Variants in MZT2A observed in about 807,000 individuals in gnomAD.
MZT2A encodes mitotic-spindle organizing protein 2A.
A neutral mutation model predicts 12.4 loss-of-function variants in MZT2A; 8 were observed. The observed-to-expected ratio is 0.64, with a 90% confidence interval of 0.38 to 1.16. MZT2A has a LOEUF of 1.16. Among genes scored for constraint, MZT2A ranks in the 50% most tolerant of loss-of-function variants. MZT2A has a pLI of 0.01. For synonymous variants in MZT2A, 88 were observed against 107.5 expected, an observed-to-expected ratio of 0.82 and a Z score of 1.12; for missense variants, 181 against 223.6, an observed-to-expected ratio of 0.81 and a Z score of 1.22.
downstream of MZT2A, chr2:131,480,493 T>C (rs1317953048): frequency 3.1e-6 from 5 of 1,589,478 alleles, no homozygotes; most frequent in Admixed American, 1.7e-5. Flanking sequence ...CGCATCCACT[T>C]CCCCCTGGCC....
intron 2 of MZT2A, among the ~76,000 whole-genome samples, chr2:131,488,805 G>A (rs1295020510): frequency 1.3e-5 from 2 of 152,034 alleles, no homozygotes; most frequent in Non-Finnish European, 2.9e-5. Flanking sequence ...CAGCCTACAG[G>A]ACCTGGGCTA....
chr2:131,491,415 G>C (rs1679296489), intron 2 of MZT2A: 1 of 278,670 alleles, frequency 3.6e-6, no homozygotes, highest in Admixed American at 5.0e-5. Flanking sequence ...GTATACCACA[G>C]GACAGAGATC....
downstream of MZT2A, chr2:131,479,345 C>T (rs1412689415): frequency 1.2e-6 from 2 of 1,614,112 alleles, no homozygotes; most frequent in East Asian, 2.2e-5. Context: ...AGCTCTTCCA[C>T]CCGGAGCAGC....
chr2:131,489,038 C>T (rs1477215917), intron 2 of MZT2A, among the ~76,000 whole-genome samples: 1 of 152,034 alleles, frequency 6.6e-6, no homozygotes, highest in Non-Finnish European at 1.5e-5. Context: ...CTACCAGCAC[C>T]TGGACAGCGC....
chr2:131,483,932 A>T (rs1678944709), downstream of MZT2A: 12 of 1,182,960 alleles, frequency 1.0e-5, no homozygotes, highest in Admixed American at 6.6e-5. Context: ...CTTAATATAA[A>T]AAAAAAAAAA....
intron 2 of MZT2A, chr2:131,478,073 T>C: frequency 6.6e-7 from 1 of 1,510,858 alleles, no homozygotes; most frequent in Admixed American, 2.0e-5. Flanking sequence ...ACTGAAGCAG[T>C]ATATAAATAT....
chr2:131,493,191 C>T, upstream of MZT2A: 3 of 1,401,202 alleles, frequency 2.1e-6, no homozygotes, highest in South Asian at 3.2e-5. Context: ...CTGGGGGCTT[C>T]CGCGAGCCCC....
In MZT2A at chr2:131,489,905, C is replaced by T. The variant is rs893719149; in HGVS notation, c.319+1971G>A. On this transcript the variant is annotated intron_variant, in intron 2 of 2. Coordinates refer to ENST00000309451, the MANE Select transcript of MZT2A (RefSeq NM_001085365.2). ...TCTGCCCTGAGAGCTAGGCCTGGCA[C>T]CCAGAGCCCTGAGTGAGTGCTAAGT... The T allele has an allele frequency of 1.3e-5, 13 of 976,250 alleles. 1 individual carries two copies. The African/African-American group carries it at 2.3e-4, about 17-fold the overall frequency. 60.5% of individuals were successfully genotyped at this position (976,250 alleles called of 1,614,324 possible). A position where few individuals can be genotyped will look rare whatever the true frequency, so the allele number is the denominator to read the frequency against.
At chr2:131,478,408 G>C in intron 2 of MZT2A, 1 of 1,591,970 alleles carries the variant, frequency 6.3e-7, no homozygotes, top group Middle Eastern at 1.8e-4. Context: ...GGCACTGGAT[G>C]GCAGCTTTCC....
chr2:131,489,659 C>T (rs1350990544), intron 2 of MZT2A: 9 of 164,928 alleles, frequency 5.5e-5, no homozygotes, highest in Non-Finnish European at 8.8e-5. Flanking sequence ...TGAGCCACCG[C>T]GCCGGGCCCT....
intron 2 of MZT2A, among the ~76,000 whole-genome samples, chr2:131,474,394 GTCT>G (rs1210898913): frequency 5.2e-5 from 7 of 134,434 alleles, no homozygotes; most frequent in African/African-American, 1.1e-4. Context: ...ACCGCGCCCA[GTCT>G]TCTTCTTCTT....
intron 2 of MZT2A, chr2:131,490,936 G>A: frequency 1.3e-6 from 2 of 1,549,558 alleles, no homozygotes; most frequent in South Asian, 2.4e-5. Flanking sequence ...CAGAGCGAGG[G>A]TCAGTGAAGA....
At chr2:131,479,922 C>T (rs1678796084), downstream of MZT2A, 1 of 1,274,340 alleles carries the variant, frequency 7.8e-7, no homozygotes, top group African/African-American at 1.5e-5. Context: ...CTTTGCTTTT[C>T]TTTGCTTCAA....
At chr2:131,472,292 T>C (rs993612006) in intron 2 of MZT2A, 65 of 942,942 alleles carry the variant, frequency 6.9e-5, no homozygotes, top group Non-Finnish European at 8.5e-5. Flanking sequence ...TTCACAGGAC[T>C]CTTTTTATTG....
At chr2:131,481,246 A>G (rs894620059), downstream of MZT2A, among the ~76,000 whole-genome samples, 1 of 151,648 alleles carries the variant, frequency 6.6e-6, no homozygotes, top group Non-Finnish European at 1.5e-5. Flanking sequence ...ATCACACTAT[A>G]TATCTGTGGT....
In MZT2A at chr2:131,472,104, G is replaced by A. The variant is rs1242131879; in HGVS notation, c.359C>T (p.Thr120Ile). The A allele has an allele frequency of 7.7e-6, 10 of 1,290,498 alleles. No homozygotes were observed. The Admixed American group carries it at 1.1e-4, about 15-fold the overall frequency. The allele number at this position is 1,290,498 out of a possible 1,614,324, so 79.9% of individuals were successfully genotyped here. The stretch of plus-strand genomic sequence containing the variant: ...CCTCCTTCTCCTGCCACACCATGCG[G>A]TGCTGCTTCTCTGGCCCCCGTAGCT... Residue 120 changes from threonine to isoleucine, a missense_variant and NMD_transcript_variant, in exon 3 of 5, where the codon ACC (threonine) becomes ATC (isoleucine). Coordinates refer to the MZT2A transcript ENST00000427024.
downstream of MZT2A, among the ~76,000 whole-genome samples, chr2:131,481,717 G>C (rs1678872359): frequency 6.6e-6 from 1 of 152,170 alleles, no homozygotes; most frequent in Non-Finnish European, 1.5e-5. Flanking sequence ...ACAGGCACGA[G>C]CCACTGCACC....
chr2:131,480,260 G>A (rs138979077), downstream of MZT2A: 244 of 1,613,490 alleles, frequency 1.5e-4, no homozygotes, highest in South Asian at 1.8e-4. Context: ...ACTCCATCCT[G>A]ACCACCCACA....
chr2:131,492,577 T>A, upstream of MZT2A: 1 of 1,179,430 alleles, frequency 8.5e-7, no homozygotes, highest in Non-Finnish European at 1.0e-6. Context: ...AGCGGCGCGC[T>A]AGGCGTCGGG....
Sources: gnomAD v4.1 joint callset for allele counts (sites outside exome capture counted in the v4.1 genomes callset) on GRCh38, gnomAD v4.1.1 for gene constraint, MANE v1.5 for transcripts, NCBI Gene and HGNC (gene_info 2026-07-23, HGNC 2026-07-21) for gene names.